DMD: variants seen among roughly 807,000 people sequenced by gnomAD.
DMD encodes mutant dystrophin.
In DMD, 63 loss-of-function variants were observed where a neutral mutation model predicts 330.1. That is an observed-to-expected ratio of 0.19 (90% CI 0.16 to 0.24). The LOEUF is 0.24. Among genes scored for constraint, DMD ranks in the 10% least tolerant of loss-of-function variants. The probability of loss-of-function intolerance (pLI) is 1.00; values close to 1 mark genes in which losing one functional copy is unlikely to be tolerated. For missense variants in DMD, 3,344 were observed against 2,684.1 expected, an observed-to-expected ratio of 1.25 and a Z score of -5.43; for synonymous variants, 1,223 against 959.8, an observed-to-expected ratio of 1.27 and a Z score of -5.07.
intron 37 of DMD, among the ~76,000 whole-genome samples, chrX:32,353,612 T>G (rs1452350118): frequency 1.8e-5 from 2 of 111,467 alleles, no homozygotes; most frequent in Non-Finnish European, 3.8e-5. Flanking sequence ...TTTAGTTATA[T>G]AGAAAATAAT....
chrX:32,651,746 T>C (rs1187372204), intron 9 of DMD, among the ~76,000 whole-genome samples: 1 of 112,059 alleles, frequency 8.9e-6, no homozygotes, highest in South Asian at 3.8e-4. Flanking sequence ...ACATCTCATG[T>C]ACCCCATAAA....
chrX:32,886,991 A>C (rs1429695903), intron 2 of DMD, among the ~76,000 whole-genome samples: 1 of 111,924 alleles, frequency 8.9e-6, no homozygotes, highest in Non-Finnish European at 1.9e-5. Flanking sequence ...CAATGACTTT[A>C]AGTGAGAATA....
At chrX:32,583,554 A>T in intron 13 of DMD, 1 of 112,212 alleles carries the variant, frequency 8.9e-6, no homozygotes, top group South Asian at 3.8e-4. Flanking sequence ...AATTAAAACA[A>T]TGTGGAATTA....
chrX:32,937,771 C>A (rs2090123175), intron 2 of DMD, among the ~76,000 whole-genome samples: 1 of 109,787 alleles, frequency 9.1e-6, no homozygotes, highest in African/African-American at 3.3e-5. Context: ...CACGATGAGT[C>A]TCTCTTCCTC....
chrX:33,233,079 T>C (rs953955273), intron 1 of DMD, among the ~76,000 whole-genome samples: 9 of 111,519 alleles, frequency 8.1e-5, no homozygotes, highest in African/African-American at 2.9e-4. Context: ...AAATAGTGGA[T>C]TTTAATATTT....
chrX:32,694,412 T>C (rs1007647954), intron 9 of DMD, among the ~76,000 whole-genome samples: 1 of 111,901 alleles, frequency 8.9e-6, no homozygotes, highest in African/African-American at 3.3e-5. Flanking sequence ...AACCTGTTCC[T>C]TCTACAGTCT....
chrX:32,002,286 A>G (rs1162989017), intron 44 of DMD, among the ~76,000 whole-genome samples: 1 of 111,934 alleles, frequency 8.9e-6, no homozygotes, highest in African/African-American at 3.2e-5. Context: ...AGAATAAATT[A>G]CCCGTATAAG....
intron 60 of DMD, among the ~76,000 whole-genome samples, chrX:31,389,760 C>T (rs1273685466): frequency 7.1e-5 from 8 of 112,124 alleles, no homozygotes; most frequent in Non-Finnish European, 3.8e-5. Context: ...TGCATTTCTC[C>T]AATATACTTT....
intron 7 of DMD, among the ~76,000 whole-genome samples, chrX:32,775,329 G>A (rs980345636): frequency 8.0e-5 from 9 of 112,594 alleles, no homozygotes; most frequent in Non-Finnish European, 1.7e-4. Context: ...GTGCCCCAGT[G>A]AGGACTCTGT....
At chrX:31,847,189 T>A (rs1267579131) in intron 48 of DMD, among the ~76,000 whole-genome samples, 2 of 111,838 alleles carry the variant, frequency 1.8e-5, no homozygotes, top group East Asian at 5.6e-4. Context: ...ATCACTATTG[T>A]CATCTTTTCA....
intron 1 of DMD, among the ~76,000 whole-genome samples, chrX:33,297,725 A>T (rs1476367208): frequency 1.8e-5 from 2 of 111,375 alleles, no homozygotes; most frequent in Non-Finnish European, 3.8e-5. Context: ...ATAAGGGCAG[A>T]AAAAAATGAA....
At chrX:32,080,252 C>G in intron 44 of DMD, among the ~76,000 whole-genome samples, 1 of 112,172 alleles carries the variant, frequency 8.9e-6, no homozygotes, top group South Asian at 3.7e-4. Context: ...AATTTTAGGG[C>G]TGCAAACAAC....
At chrX:31,719,783 G>C (rs2148956938) in intron 52 of DMD, among the ~76,000 whole-genome samples, 1 of 111,287 alleles carries the variant, frequency 9.0e-6, no homozygotes, top group South Asian at 3.8e-4. Flanking sequence ...CACATCATAA[G>C]AACACTCAAG....
chrX:33,036,452 T>G (rs1345735748), intron 1 of DMD, among the ~76,000 whole-genome samples: 2 of 111,078 alleles, frequency 1.8e-5, no homozygotes, highest in Non-Finnish European at 3.8e-5. Flanking sequence ...GTTCTGCTTT[T>G]TTTTGGAACC....
intron 18 of DMD, among the ~76,000 whole-genome samples, chrX:32,508,397 A>G (rs1333108069): frequency 1.8e-5 from 2 of 111,655 alleles, no homozygotes; most frequent in Non-Finnish European, 3.8e-5. Context: ...CATTTCAGAC[A>G]CAGCTGTAGA....
chrX:31,169,586 C>G lies in DMD; in HGVS notation c.10410G>C (p.Leu3470Phe), dbSNP rs2039781782. 1 of 1,202,791 alleles carries G rather than the reference C, an allele frequency of 8.3e-7. No homozygotes were observed. The highest frequency in any genetic ancestry group is 1.8e-5 in the African/African-American group (1 of 57,136). ...AACTTTGGCAGTAATGCTGGATTAA[C>G]AAATGTTCATCATCTCTGGAAAATA... ...SPNESIDDEH[L>F]LIQHYCQSLN... is the part of the protein sequence containing the mutation. Residue 3470 changes from leucine to phenylalanine, a missense_variant, in exon 74 of 79, where the codon TTG becomes TTC. Leu to Phe is a conservative substitution (Grantham distance 22). Transcript: ENST00000357033.
chrX:32,524,437 T>C (rs938167733), intron 17 of DMD, among the ~76,000 whole-genome samples: 1 of 112,186 alleles, frequency 8.9e-6, no homozygotes, highest in Non-Finnish European at 1.9e-5. Context: ...AGTAATTTGG[T>C]TTAGTGAAGC....
chrX:31,247,302 A>T (rs1335452334), intron 63 of DMD, among the ~76,000 whole-genome samples: 1 of 111,535 alleles, frequency 9.0e-6, no homozygotes, highest in African/African-American at 3.3e-5. Context: ...TGGGCAAAGT[A>T]AATGGAAAAT....
At chrX:31,646,785 G>A (rs1569168713) in intron 54 of DMD, among the ~76,000 whole-genome samples, 1 of 112,000 alleles carries the variant, frequency 8.9e-6, no homozygotes, top group Non-Finnish European at 1.9e-5. Flanking sequence ...TGTCTCTAAA[G>A]GGCCATGCAA....
Sources: allele counts gnomAD v4.1 joint callset (sites outside exome capture counted in the v4.1 genomes callset), GRCh38; gene constraint gnomAD v4.1.1; transcripts MANE v1.5; gene names NCBI Gene and HGNC (gene_info 2026-07-23, HGNC 2026-07-21).